Variants in ZNF385B observed in about 807,000 individuals in gnomAD.
The protein encoded by ZNF385B is zinc finger protein 385B.
In ZNF385B, 23 loss-of-function variants were observed where a neutral mutation model predicts 39.2. The ratio of observed to expected loss-of-function variants is 0.59; its 90% CI spans 0.42 to 0.83. The LOEUF (loss-of-function observed/expected upper bound fraction) is 0.83, where lower values mean the gene tolerates loss of function less well. Among genes scored for constraint, ZNF385B ranks in the 40% least tolerant of loss-of-function variants. The pLI is 0.00. For missense variants in ZNF385B, 552 were observed against 598.9 expected (o/e 0.92, Z 0.82); for synonymous variants, 205 against 222.6 (o/e 0.92, Z 0.70).
chr2:179,776,875 G>A (rs1704353383), intron 1 of ZNF385B, among the ~76,000 whole-genome samples: 1 of 152,066 alleles, frequency 6.6e-6, no homozygotes, highest in Non-Finnish European at 1.5e-5. Flanking sequence ...TGGGCAAACA[G>A]GCTGGGACAT....
At chr2:179,694,866 G>T (rs112967530) in intron 3 of ZNF385B, among the ~76,000 whole-genome samples, 1 of 151,782 alleles carries the variant, frequency 6.6e-6, no homozygotes, top group Admixed American at 6.6e-5. Context: ...GGAGGTGGAG[G>T]TTGCAGTGAG....
chr2:179,662,396 T>C (rs1037284748), intron 3 of ZNF385B, among the ~76,000 whole-genome samples: 33 of 151,836 alleles, frequency 2.2e-4, no homozygotes, highest in Admixed American at 6.6e-4. Flanking sequence ...TGGGTACTTC[T>C]TGCCTCTAGA....
chr2:179,497,711 CCTTA>C (rs1559346569), intron 5 of ZNF385B, among the ~76,000 whole-genome samples: 2 of 152,100 alleles, frequency 1.3e-5, no homozygotes, highest in African/African-American at 4.8e-5. Flanking sequence ...AGGAGTAAGT[CCTTA>C]CTTATCAATA....
chr2:179,695,942 G>T (rs77023026), intron 3 of ZNF385B, among the ~76,000 whole-genome samples: 2,437 of 152,298 alleles, frequency 0.016, 69 homozygotes, highest in African/African-American at 0.055. Context: ...AAAAGGAATG[G>T]TGTGTGGATA....
intron 3 of ZNF385B, among the ~76,000 whole-genome samples, chr2:179,664,195 C>G (rs1694866681): frequency 6.7e-6 from 1 of 149,762 alleles, no homozygotes; most frequent in African/African-American, 2.5e-5. Context: ...ATTGTTTAAA[C>G]CACACCAATA....
intron 3 of ZNF385B, among the ~76,000 whole-genome samples, chr2:179,699,468 A>C (rs1349618651): frequency 1.3e-5 from 2 of 152,248 alleles, no homozygotes; most frequent in African/African-American, 2.4e-5. Flanking sequence ...CCATTTGTAG[A>C]CATAATTGTG....
intron 4 of ZNF385B, among the ~76,000 whole-genome samples, chr2:179,540,712 A>G (rs1470003276): frequency 6.6e-6 from 1 of 152,136 alleles, no homozygotes; most frequent in Non-Finnish European, 1.5e-5. Context: ...AATAAGATAG[A>G]GCCCCTGTCC....
intron 4 of ZNF385B, among the ~76,000 whole-genome samples, chr2:179,528,072 AAAAAC>A (rs1335527526): frequency 6.6e-6 from 1 of 152,198 alleles, no homozygotes; most frequent in African/African-American, 2.4e-5. Context: ...AAATATGCAA[AAAAAC>A]AAAACAAAAC....
chr2:179,613,303 T>C (rs1689447714), intron 3 of ZNF385B, among the ~76,000 whole-genome samples: 1 of 151,458 alleles, frequency 6.6e-6, no homozygotes, highest in African/African-American at 2.4e-5. Context: ...CAAGCAGGAG[T>C]GTCTCTCCAT....
At chr2:179,577,911 C>A (rs766861444) in intron 3 of ZNF385B, among the ~76,000 whole-genome samples, 7 of 151,924 alleles carry the variant, frequency 4.6e-5, no homozygotes, top group Non-Finnish European at 7.4e-5. Context: ...TAACATATAT[C>A]CATTTTTTAT....
chr2:179,450,010 C>T (rs13394957), intron 6 of ZNF385B, among the ~76,000 whole-genome samples: 1 of 151,926 alleles, frequency 6.6e-6, no homozygotes, highest in East Asian at 1.9e-4. Context: ...GAAATGATTC[C>T]CTATTTAATA....
intron 3 of ZNF385B, among the ~76,000 whole-genome samples, chr2:179,556,566 A>G (rs759913177): frequency 4.0e-5 from 6 of 149,758 alleles, no homozygotes; most frequent in Non-Finnish European, 7.4e-5. Context: ...AGAAGCCAAA[A>G]TTATCTCCAG....
intron 3 of ZNF385B, among the ~76,000 whole-genome samples, chr2:179,639,723 T>C (rs1304498549): frequency 2.6e-5 from 4 of 152,164 alleles, no homozygotes; most frequent in African/African-American, 9.7e-5. Flanking sequence ...TATCACATAG[T>C]AATAGCCAAT....
intron 1 of ZNF385B, among the ~76,000 whole-genome samples, chr2:179,820,555 T>C (rs1707341005): frequency 6.6e-6 from 1 of 151,074 alleles, no homozygotes; most frequent in African/African-American, 2.5e-5. Flanking sequence ...TGTTTCAGGA[T>C]TTTTTTTCCT....
At chr2:179,556,789 T>C (rs2203460) in intron 3 of ZNF385B, among the ~76,000 whole-genome samples, 148,136 of 148,546 alleles carry the variant, frequency 1, 73,910 homozygotes, top group Non-Finnish European at 1. Flanking sequence ...CTGATGCTTC[T>C]TTGCTGAATT....
chr2:179,586,983 G>A (rs901484472), intron 3 of ZNF385B, among the ~76,000 whole-genome samples: 1 of 152,126 alleles, frequency 6.6e-6, no homozygotes, highest in Admixed American at 6.5e-5. Flanking sequence ...AGGTTGTAGT[G>A]AGCCGAGATC....
chr2:179,515,135 T>C (rs2058000398), intron 5 of ZNF385B, among the ~76,000 whole-genome samples: 3 of 152,216 alleles, frequency 2.0e-5, no homozygotes, highest in Admixed American at 1.3e-4. Context: ...ATTTTTTAAT[T>C]TGAGAGATTC....
At chr2:179,554,865 G>C (rs182160680) in intron 3 of ZNF385B, among the ~76,000 whole-genome samples, 1 of 149,012 alleles carries the variant, frequency 6.7e-6, no homozygotes, top group Non-Finnish European at 1.5e-5. Context: ...ATTAAGTGTC[G>C]ACAAGGATAC....
At chr2:179,695,557 C>T (rs2106352348) in intron 3 of ZNF385B, among the ~76,000 whole-genome samples, 1 of 151,936 alleles carries the variant, frequency 6.6e-6, no homozygotes, top group Middle Eastern at 3.4e-3. Flanking sequence ...AGATATTTCC[C>T]CAAGGAAGAT....
Sources: gnomAD v4.1 joint callset for allele counts (sites outside exome capture counted in the v4.1 genomes callset) on GRCh38, gnomAD v4.1.1 for gene constraint, MANE v1.5 for transcripts, NCBI Gene and HGNC (gene_info 2026-07-23, HGNC 2026-07-21) for gene names.